The following FAM221B variants were observed in gnomAD, a reference collection of about 807,000 sequenced individuals.
FAM221B encodes the protein family with sequence similarity 221 member B, also known as protein FAM221B.
FAM221B carries 35 observed loss-of-function variants against 39.8 expected under a neutral mutation model. The observed-to-expected ratio is 0.88, with a 90% CI of 0.67 to 1.17. The LOEUF is 1.17. Ranked by LOEUF, FAM221B falls within the 50% of genes most tolerant of loss-of-function variation. The pLI is 0.00. For synonymous variants in FAM221B, 158 were observed against 178.1 expected (o/e 0.89, Z 0.90); for missense variants, 479 against 503.1 (o/e 0.95, Z 0.46).
chr9:35,823,790 A>G (rs1829208498), intron 3 of FAM221B, among the ~76,000 whole-genome samples: 1 of 152,016 alleles, frequency 6.6e-6, no homozygotes, highest in Non-Finnish European at 1.5e-5. Context: ...TCAGCCTACT[A>G]AGTAGCTGGG....
Position 35,818,348 on chromosome 9 carries a change from G to T in FAM221B, c.*121C>A. On this transcript the variant is annotated 3_prime_UTR_variant, in exon 7 of 7. Coordinates refer to ENST00000423537, the MANE Select transcript of FAM221B (RefSeq NM_001012446.4). ...TGGCCAGATCCAGGCTTTCTCCTGT[G>T]TCTAATAGGTGTCAACTCTAAGTTA... The T allele has an allele frequency of 1.1e-6, 1 of 907,258 alleles. No individual in the cohort carries two copies. The highest frequency in any genetic ancestry group is 1.8e-6 in the Non-Finnish European group (1 of 570,282). 56.2% of individuals were successfully genotyped at this position (907,258 alleles called of 1,614,324 possible).
chr9:35,821,176 C>G (rs115852050), intron 3 of FAM221B, among the ~76,000 whole-genome samples: 2,389 of 152,322 alleles, frequency 0.016, 66 homozygotes, highest in African/African-American at 0.054. Context: ...CCTATTAGTC[C>G]ATGAGTTCTT....
rs1564010755 is a variant in FAM221B at position 35,828,338 on chromosome 9, T to TACA, written c.-1+124_-1+125insTGT. 3.4e-5 allele frequency: 4 copies of TACA among 117,542 alleles called. No homozygotes were observed. Among genetic ancestry groups the TACA allele is most frequent in the Admixed American group, 8.5e-5 (1 of 11,784 alleles). The allele number at this position is 117,542 out of a possible 1,614,324, so 7.3% of individuals were successfully genotyped here. A position where few individuals can be genotyped will look rare whatever the true frequency, so the allele number is the denominator to read the frequency against. The stretch of plus-strand genomic sequence containing the variant: ...CAACAACAACAACAACAACAACTAC[T>TACA]ACTACTACTACTACTACTACTACTA... On this transcript the variant is annotated intron_variant, in intron 1 of 6. Coordinates refer to ENST00000423537, the MANE Select transcript of FAM221B (RefSeq NM_001012446.4). This position sits in a 1 kb window ranked among gnomAD's most constrained non-coding sequence, Gnocchi z 4.5.
chr9:35,822,445 T>C (rs972358631), intron 3 of FAM221B, among the ~76,000 whole-genome samples: 9 of 152,184 alleles, frequency 5.9e-5, no homozygotes, highest in Non-Finnish European at 1.2e-4. Context: ...TCTCGCTCTG[T>C]TGCCTAGGCT....
rs993441066 is a variant in FAM221B, at chr9:35,828,649, A to G, written c.-187T>C. 4.1e-6 allele frequency: 4 copies of G among 985,456 alleles called. No individual in the cohort carries two copies. Among genetic ancestry groups the G allele is most frequent in the Non-Finnish European group, 4.8e-6 (4 of 830,036 alleles). The allele number at this position is 985,456 out of a possible 1,614,324, so 61.0% of individuals were successfully genotyped here. ...CTGGGAAGGGGACTTGGATATCTGC[A>G]GAACTTCGCAAAGGAGCTCTGGCAT... On this transcript the variant is annotated 5_prime_UTR_variant, in exon 1 of 7. Transcript: ENST00000423537. The surrounding 1 kb of genome is among the most constrained non-coding windows in gnomAD (Gnocchi z 4.5).
At chr9:35,822,590 A>G (rs1053102587) in intron 3 of FAM221B, among the ~76,000 whole-genome samples, 2 of 151,870 alleles carry the variant, frequency 1.3e-5, no homozygotes, top group African/African-American at 4.8e-5. Context: ...TGTATTTTTA[A>G]TAGAGACGGG....
rs1336882790 is a variant in FAM221B at position 35,825,109 on chromosome 9, A to G, written c.742+121T>C. Reference sequence around the variant, plus strand: ...CCACTTGCCTGCTCCTTTTCCAGGCAGGTGGTATAGCCATTTCCAAAAGGG... The same window carrying G: ...CCACTTGCCTGCTCCTTTTCCAGGCGGGTGGTATAGCCATTTCCAAAAGGG... On this transcript the variant is annotated intron_variant, in intron 3 of 6. Transcript: ENST00000423537. The surrounding 1 kb of genome is among the most constrained non-coding windows in gnomAD (Gnocchi z 4.2). 4 of 1,154,854 alleles carry G rather than the reference A, an allele frequency of 3.5e-6. No homozygotes were observed. The East Asian group carries it at 1.0e-4, about 29-fold the overall frequency. 71.5% of individuals were successfully genotyped at this position (1,154,854 alleles called of 1,614,324 possible).
At chr9:35,821,405 T>C in intron 3 of FAM221B, 1 of 1,359,942 alleles carries the variant, frequency 7.4e-7, no homozygotes, top group Non-Finnish European at 9.9e-7. Context: ...CAATTCACAA[T>C]TCCGTGCCTC....
chr9:35,818,419 G>C lies in FAM221B; in HGVS notation c.*50C>G. On this transcript the variant is annotated 3_prime_UTR_variant, in exon 7 of 7. Coordinates refer to ENST00000423537, the MANE Select transcript of FAM221B (RefSeq NM_001012446.4). The stretch of plus-strand genomic sequence containing the variant: ...CTGGGATCTACCTGCCCCATATAGA[G>C]CCAAGTCAGGTTCCAATGACTCCTC... 2.0e-6 allele frequency: 3 copies of C among 1,534,400 alleles called. No homozygotes were observed. The highest frequency in any genetic ancestry group is 8.8e-7 in the Non-Finnish European group (1 of 1,131,330).
rs763002885 is a variant in FAM221B, at chr9:35,825,672, C to A, written c.490G>T (p.Val164Phe). 6.2e-7 allele frequency: 1 copy of A among 1,614,174 alleles called. No homozygotes were observed. The highest frequency in any genetic ancestry group is 8.5e-7 in the Non-Finnish European group (1 of 1,180,036). ...EHCLSGPSSQ[V>F]QVDTTEKQEE... Reference sequence around the variant, plus strand: ...TGCTTTTCGGTTGTGTCCACTTGGACCTGGGATGAAGGGCCTGAAAGACAG... The same window carrying A: ...TGCTTTTCGGTTGTGTCCACTTGGAACTGGGATGAAGGGCCTGAAAGACAG... The change falls in exon 2 of 7, where the codon GTC (valine) becomes TTC (phenylalanine). Residue 164 changes from valine to phenylalanine, a missense_variant. Coordinates refer to ENST00000423537, the MANE Select transcript of FAM221B (RefSeq NM_001012446.4). This position sits in a 1 kb window ranked among gnomAD's most constrained non-coding sequence, Gnocchi z 4.2.
rs79007099 is a variant in FAM221B, at chr9:35,828,241, C to T, written c.-1+222G>A. 6.6e-6 allele frequency among the ~76,000 whole-genome samples: 1 copy of T among 151,686 alleles called. No homozygotes were observed. The highest frequency in any genetic ancestry group is 1.5e-5 in the Non-Finnish European group (1 of 67,896). On this transcript the variant is annotated intron_variant, in intron 1 of 6. Transcript: ENST00000423537. This position sits in a 1 kb window ranked among gnomAD's most constrained non-coding sequence, Gnocchi z 4.5. ...TGGGAGGCGGAGGTTGCAGTGAGCC[C>T]AGATCGCACCACTGCACTCCAGCCT...
rs1352114671 is a variant in FAM221B at position 35,819,909 on chromosome 9, T to C, written c.834A>G (p.Arg278=). Reference sequence around the variant, plus strand: ...CCCTACCTGAGATGATCCGGTGCTCTCTCAACAAGTGTCCACAAAAGCATC... The same window carrying C: ...CCCTACCTGAGATGATCCGGTGCTCCCTCAACAAGTGTCCACAAAAGCATC... The part of the protein sequence containing the change: ...ESRCFCGHLL[R]EHRIISDISV... The change falls in exon 4 of 7, where the codon AGA becomes AGG. Residue 278 remains arginine (R), a synonymous_variant. Transcript: ENST00000423537. 1.9e-6 allele frequency: 3 copies of C among 1,613,628 alleles called. No individual in the cohort carries two copies. Among genetic ancestry groups the C allele is most frequent in the African/African-American group, 2.7e-5 (2 of 74,866 alleles).
At chr9:35,821,474 G>A in intron 3 of FAM221B, 2 of 1,367,926 alleles carry the variant, frequency 1.5e-6, no homozygotes, top group Non-Finnish European at 2.0e-6. Context: ...GTCTAGATGT[G>A]GCTTTTGGCT....
chr9:35,828,402 G>T lies in FAM221B; in HGVS notation c.-1+61C>A. The T allele has an allele frequency of 1.6e-6, 1 of 637,546 alleles. No individual in the cohort carries two copies. The highest frequency in any genetic ancestry group is 2.0e-6 in the Non-Finnish European group (1 of 512,360). 39.5% of individuals were successfully genotyped at this position (637,546 alleles called of 1,614,324 possible). ...TACAACAATGTGAAGGGACTGAGGG[G>T]TGGGAGAAAGACAGATGTCTTTGAG... On this transcript the variant is annotated intron_variant, in intron 1 of 6. Transcript: ENST00000423537. The surrounding 1 kb of genome is among the most constrained non-coding windows in gnomAD (Gnocchi z 4.5).
chr9:35,826,843 G>T (rs1179223359), intron 1 of FAM221B: 1 of 152,382 alleles, frequency 6.6e-6, no homozygotes, highest in Non-Finnish European at 1.5e-5. Flanking sequence ...GTCTCGCTCT[G>T]TTGCCCAGAC....
At position 35,825,320 on chromosome 9, in the gene FAM221B, C is replaced by G; in HGVS notation, c.652G>C (p.Ala218Pro). Residue 218 changes from alanine to proline, a missense_variant, in exon 3 of 7, where the codon GCT (alanine) becomes CCT (proline). Transcript: ENST00000423537. This position sits in a 1 kb window ranked among gnomAD's most constrained non-coding sequence, Gnocchi z 4.2. ...AACTCCTCTCTATGCATTGCCTTAG[C>G]CACTTCCACCAGCTCTGTCTGCCTA... is the stretch of plus-strand genomic sequence containing the variant. ...PARQTELVEV[A>P]KAMHREEFGA... The G allele has an allele frequency of 6.2e-7, 1 of 1,614,248 alleles. No homozygotes were observed. The highest frequency in any genetic ancestry group is 1.6e-4 in the Middle Eastern group (1 of 6,062).
chr9:35,821,785 A>G (rs1455923744), intron 3 of FAM221B, among the ~76,000 whole-genome samples: 2 of 152,234 alleles, frequency 1.3e-5, no homozygotes, highest in East Asian at 3.8e-4. Context: ...GAGACTGGCA[A>G]CTATACTTCA....
chr9:35,825,843 T>C lies in FAM221B; in HGVS notation c.319A>G (p.Thr107Ala), dbSNP rs1473933499. 6.2e-7 allele frequency: 1 copy of C among 1,612,154 alleles called. No homozygotes were observed. Among genetic ancestry groups the C allele is most frequent in the South Asian group, 1.1e-5 (1 of 90,960 alleles). The change falls in exon 2 of 7, where the codon ACT (threonine) becomes GCT (alanine). Residue 107 changes from threonine to alanine, a missense_variant. Transcript: ENST00000423537. This position sits in a 1 kb window ranked among gnomAD's most constrained non-coding sequence, Gnocchi z 4.2. Reference sequence around the variant, plus strand: ...TAGTCTCGTGATTGGGGAGGAAGAGTAAGGTGTTTCTCTGGCACCACTGAG... The same window carrying C: ...TAGTCTCGTGATTGGGGAGGAAGAGCAAGGTGTTTCTCTGGCACCACTGAG... ...PISVVPEKHL[T>A]LPPQSRDYVC...
intron 3 of FAM221B, among the ~76,000 whole-genome samples, chr9:35,821,823 A>G (rs1829158162): frequency 6.6e-6 from 1 of 152,198 alleles, no homozygotes; most frequent in East Asian, 1.9e-4. Context: ...TAGTGCTCTT[A>G]AAGTGGGACA....
Sources: allele counts gnomAD v4.1 joint callset (sites outside exome capture counted in the v4.1 genomes callset), GRCh38; gene constraint gnomAD v4.1.1; non-coding constraint Gnocchi (gnomAD v3.1); transcripts MANE v1.5; gene names NCBI Gene and HGNC (gene_info 2026-07-23, HGNC 2026-07-21).